ANKS1A: variants seen among roughly 807,000 people sequenced by gnomAD.
ANKS1A encodes ankyrin repeat and sterile alpha motif domain containing 1A, also known as ankyrin repeat and SAM domain-containing protein 1A.
A neutral mutation model predicts 120.3 loss-of-function variants in ANKS1A; 55 were observed. The ratio of observed to expected loss-of-function variants is 0.46; its 90% CI spans 0.37 to 0.57. The LOEUF is 0.57. Ranked by LOEUF, ANKS1A falls within the 20% of genes least tolerant of loss-of-function variation. The probability of loss-of-function intolerance (pLI) is 0.00; values close to 1 mark genes in which losing one functional copy is unlikely to be tolerated. For synonymous variants in ANKS1A, 590 were observed against 604.7 expected (o/e 0.98, Z 0.36); for missense variants, 1,123 against 1,480.3 (o/e 0.76, Z 3.96).
At chr6:35,032,323 T>G (rs1409722896) in intron 11 of ANKS1A, among the ~76,000 whole-genome samples, 1 of 152,164 alleles carries the variant, frequency 6.6e-6, no homozygotes, top group Non-Finnish European at 1.5e-5. Context: ...CAAGTCTCTG[T>G]CTGCCATAAA....
intron 1 of ANKS1A, among the ~76,000 whole-genome samples, chr6:34,942,081 G>A (rs1205806689): frequency 6.6e-6 from 1 of 152,184 alleles, no homozygotes; most frequent in Non-Finnish European, 1.5e-5. Flanking sequence ...GAAATGCTTT[G>A]ACTGTCTTCA....
intron 11 of ANKS1A, among the ~76,000 whole-genome samples, chr6:35,021,467 C>A (rs1016473490): frequency 2.6e-5 from 4 of 152,226 alleles, no homozygotes; most frequent in African/African-American, 9.7e-5. Flanking sequence ...CACCTCGGTG[C>A]ATGGACTACC....
chr6:35,090,616 A>G lies in ANKS1A; in HGVS notation c.*2007A>G. 1 of 991,998 alleles carries G rather than the reference A, an allele frequency of 1.0e-6. No homozygotes were observed. Among genetic ancestry groups the G allele is most frequent in the South Asian group, 4.6e-5 (1 of 21,926 alleles). The allele number at this position is 991,998 out of a possible 1,614,324, so 61.4% of individuals were successfully genotyped here. On this transcript the variant is annotated 3_prime_UTR_variant, in exon 24 of 24. Transcript: ENST00000360359. ...TTTATTTCTGAATATTCAAGAAAGG[A>G]AAATGACTGGGCCTTTCTTTCTTTT...
intron 1 of ANKS1A, among the ~76,000 whole-genome samples, chr6:34,945,512 C>T (rs1284251924): frequency 5.9e-5 from 9 of 152,188 alleles, no homozygotes; most frequent in Admixed American, 5.9e-4. Context: ...TTGGCCTTTG[C>T]TCCTTTGTCA....
At position 34,889,663 on chromosome 6, in the gene ANKS1A, T is replaced by C; in HGVS notation, c.197+64T>C. 1 of 1,235,892 alleles carries C rather than the reference T, an allele frequency of 8.1e-7. No individual in the cohort carries two copies. The highest frequency in any genetic ancestry group is 1.0e-6 in the Non-Finnish European group (1 of 989,430). The allele number at this position is 1,235,892 out of a possible 1,614,324, so 76.6% of individuals were successfully genotyped here. On this transcript the variant is annotated intron_variant, in intron 1 of 23. Coordinates refer to ENST00000360359, the MANE Select transcript of ANKS1A (RefSeq NM_015245.3). This position sits in a 1 kb window ranked among gnomAD's most constrained non-coding sequence, Gnocchi z 5.5. ...CTTTCTCCCCCACCCGTCTCTTGGG[T>C]CCCCAGAGAGATCGGGGGTCCTGAG...
At chr6:35,087,070 A>G in intron 23 of ANKS1A, 21 bp downstream of exon 23, 1 of 1,608,606 alleles carries the variant, frequency 6.2e-7, no homozygotes, top group Non-Finnish European at 8.5e-7. Flanking sequence ...ACTATCTTCT[A>G]AAACAACCCA....
rs559684544 is a variant in ANKS1A at position 35,084,202 on chromosome 6, A to T, written c.3076A>T (p.Thr1026Ser). Reference protein sequence around the residue: ...PEDLCTFAYITKDLQTSHHYC... With the variant: ...PEDLCTFAYISKDLQTSHHYC... ...GGACCTCTGTACCTTTGCCTACATC[A>T]CCAAGGACCTGCAGACCAGCCACCA... The change falls in exon 21 of 24, where the codon ACC (threonine) becomes TCC (serine). Residue 1026 changes from threonine (T) to serine (S), a missense_variant. Physicochemically the swap from Thr to Ser is moderately conservative, Grantham distance 58. Around this residue, in one of 3 missense-constraint regions of ANKS1A, gnomAD observed 904 missense variants for 1,130.4 expected, o/e 0.80. Transcript: ENST00000360359. This position sits in a 1 kb window ranked among gnomAD's most constrained non-coding sequence, Gnocchi z 4.8. 6.2e-7 allele frequency: 1 copy of T among 1,614,158 alleles called. No homozygotes were observed. Among genetic ancestry groups the T allele is most frequent in the South Asian group, 1.1e-5 (1 of 91,072 alleles).
In ANKS1A at chr6:34,980,003, G is replaced by A. The variant is rs547470679; in HGVS notation, c.436-1687G>A. Among the ~76,000 whole-genome samples the A allele has an allele frequency of 1.2e-3, 184 of 152,336 alleles. 1 individual carries two copies. The highest frequency in any genetic ancestry group is 6.8e-3 in the Middle Eastern group (2 of 294). ...GAAGGGACAGCTCTAAGTTTGCTTA[G>A]GAAACTCATGGCATAGCTTAATAGG... On this transcript the variant is annotated intron_variant, in intron 3 of 23. Transcript: ENST00000360359.
rs975416612 is a variant in ANKS1A, at chr6:35,090,068, T to C, written c.*1459T>C. On this transcript the variant is annotated 3_prime_UTR_variant, in exon 24 of 24. Transcript: ENST00000360359. Reference sequence around the variant, plus strand: ...AAGTGGGGCTGTGTCTCTGACTGGCTAGAGGCCAGGCCTTGTGGGTTTCTA... The same window carrying C: ...AAGTGGGGCTGTGTCTCTGACTGGCCAGAGGCCAGGCCTTGTGGGTTTCTA... 1.6e-6 allele frequency: 2 copies of C among 1,273,416 alleles called. No individual in the cohort carries two copies. The highest frequency in any genetic ancestry group is 3.1e-5 in the African/African-American group (2 of 65,526). The allele number at this position is 1,273,416 out of a possible 1,614,324, so 78.9% of individuals were successfully genotyped here. A position where few individuals can be genotyped will look rare whatever the true frequency, so the allele number is the denominator to read the frequency against.
intron 13 of ANKS1A, among the ~76,000 whole-genome samples, chr6:35,065,066 A>G (rs1776700571): frequency 6.6e-6 from 1 of 152,170 alleles, no homozygotes; most frequent in Admixed American, 6.5e-5. Context: ...TCGCTATCCC[A>G]GGAGTTGATG....
At chr6:35,056,288 T>G (rs1205527452) in intron 12 of ANKS1A, among the ~76,000 whole-genome samples, 1 of 152,152 alleles carries the variant, frequency 6.6e-6, no homozygotes, top group Non-Finnish European at 1.5e-5. Context: ...TTGTTTTATT[T>G]TTGTTGTTGT....
At chr6:35,054,009 G>C (rs1389364011) in intron 11 of ANKS1A, 90 bp from the exon 12 acceptor site, 7 of 1,029,784 alleles carry the variant, frequency 6.8e-6, no homozygotes, top group Non-Finnish European at 1.1e-5. Context: ...AAAGAGACCT[G>C]GAGGTCAGAC....
rs185587550 is a variant in ANKS1A at position 35,082,047 on chromosome 6, C to T, written c.2710-644C>T. 3.3e-5 allele frequency among the ~76,000 whole-genome samples: 5 copies of T among 152,278 alleles called. No individual in the cohort carries two copies. Among genetic ancestry groups the T allele is most frequent in the East Asian group, 1.9e-4 (1 of 5,180 alleles). On this transcript the variant is annotated intron_variant, in intron 17 of 23. Coordinates refer to ENST00000360359, the MANE Select transcript of ANKS1A (RefSeq NM_015245.3). The surrounding 1 kb of genome is among the most constrained non-coding windows in gnomAD (Gnocchi z 4.1). ...TTTTAAACACATTGTCCAGCAATTC[C>T]GGTTGCTGTTGAGAGGCTCTGCGCA...
At chr6:35,065,309 C>A (rs976202477) in intron 13 of ANKS1A, among the ~76,000 whole-genome samples, 1 of 152,174 alleles carries the variant, frequency 6.6e-6, no homozygotes, top group Non-Finnish European at 1.5e-5. Context: ...ACTGCTCTGG[C>A]CTTCTCCAGT....
At chr6:34,979,881 A>G (rs1479424056) in intron 3 of ANKS1A, among the ~76,000 whole-genome samples, 2 of 152,234 alleles carry the variant, frequency 1.3e-5, no homozygotes, top group African/African-American at 4.8e-5. Flanking sequence ...ATTACTCCAC[A>G]GAAAGATCCT....
intron 12 of ANKS1A, among the ~76,000 whole-genome samples, chr6:35,055,433 G>A (rs1020279635): frequency 5.9e-5 from 9 of 151,916 alleles, no homozygotes; most frequent in Admixed American, 2.0e-4. Context: ...GGGTTCAAGC[G>A]TTTCTCCTGC....
intron 16 of ANKS1A, among the ~76,000 whole-genome samples, chr6:35,080,743 A>G (rs907858109): frequency 6.6e-6 from 1 of 152,000 alleles, no homozygotes; most frequent in African/African-American, 2.4e-5. Context: ...AGAGGCCTGC[A>G]ATGGATCAGG....
At chr6:35,071,057 CCT>C (rs1777062282) in intron 13 of ANKS1A, 1 of 441,510 alleles carries the variant, frequency 2.3e-6, no homozygotes, top group Non-Finnish European at 4.2e-6. Flanking sequence ...TTGCCAGACA[CCT>C]CTTTCTATTG....
At chr6:35,026,677 A>G (rs965404764) in intron 11 of ANKS1A, among the ~76,000 whole-genome samples, 2 of 152,130 alleles carry the variant, frequency 1.3e-5, no homozygotes, top group Non-Finnish European at 2.9e-5. Context: ...GAGAAGCATG[A>G]GTGGTTATTG....
Sources: allele counts gnomAD v4.1 joint callset (sites outside exome capture counted in the v4.1 genomes callset), GRCh38; gene constraint gnomAD v4.1.1; regional missense constraint gnomAD v4.1.1; non-coding constraint Gnocchi (gnomAD v3.1); transcripts MANE v1.5; gene names NCBI Gene and HGNC (gene_info 2026-07-23, HGNC 2026-07-21).